TMPRSS13: variants seen among roughly 807,000 people sequenced by gnomAD.
The protein encoded by TMPRSS13 is transmembrane protease serine 13.
TMPRSS13 carries 50 observed loss-of-function variants against 68.4 expected under a neutral mutation model. The observed-to-expected ratio is 0.73, with a 90% CI of 0.58 to 0.93. The LOEUF (loss-of-function observed/expected upper bound fraction) is 0.93. Ranked by LOEUF, TMPRSS13 falls within the 40% of genes least tolerant of loss-of-function variation. The pLI, the probability that TMPRSS13 is intolerant of heterozygous loss-of-function variation, is 0.00. For missense variants in TMPRSS13, 615 were observed against 729.2 expected (o/e 0.84, Z 1.80); for synonymous variants, 267 against 285.8 (o/e 0.93, Z 0.66).
chr11:117,909,406 T>A (rs1451821335), intron 8 of TMPRSS13, among the ~76,000 whole-genome samples: 1 of 152,214 alleles, frequency 6.6e-6, no homozygotes, highest in African/African-American at 2.4e-5. Flanking sequence ...TAGCAGCTGA[T>A]ACAGTGCCCT....
At chr11:117,924,999 G>C (rs2057690658) in intron 1 of TMPRSS13, among the ~76,000 whole-genome samples, 1 of 152,202 alleles carries the variant, frequency 6.6e-6, no homozygotes, top group Non-Finnish European at 1.5e-5. Context: ...TCTGCTCCTA[G>C]GCCGCCGTGT....
intron 9 of TMPRSS13, 60 bp from the exon 10 acceptor site, chr11:117,905,796 G>T: frequency 7.2e-7 from 1 of 1,384,404 alleles, no homozygotes; most frequent in South Asian, 1.2e-5. Flanking sequence ...AGTAGGGGGA[G>T]GGAGAAGGAG....
intron 2 of TMPRSS13, among the ~76,000 whole-genome samples, chr11:117,917,828 T>C (rs1280645546): frequency 6.6e-6 from 1 of 152,138 alleles, no homozygotes; most frequent in South Asian, 2.1e-4. Flanking sequence ...AATTCTGGGA[T>C]GGGAGGAGGG....
intron 12 of TMPRSS13, chr11:117,903,446 T>G: frequency 6.5e-7 from 1 of 1,536,952 alleles, no homozygotes. Context: ...TTCAACCCGC[T>G]GAGCTCTGTT....
At position 117,909,780 on chromosome 11, in the gene TMPRSS13, A is replaced by G. The variant is rs757666443; in HGVS notation, c.1109+26T>C. Reference sequence around the variant, plus strand: ...GTGGTTCCCGACCCTGGGCAGTGTCAAATCACCTGCCTCTCAGGCACTTAC... The same window carrying G: ...GTGGTTCCCGACCCTGGGCAGTGTCGAATCACCTGCCTCTCAGGCACTTAC... On this transcript the variant is annotated intron_variant, in intron 8 of 12. Transcript: ENST00000524993. The G allele has an allele frequency of 3.1e-6, 5 of 1,597,714 alleles. No individual in the cohort carries two copies. The African/African-American group carries it at 6.7e-5, about 21-fold the overall frequency.
chr11:117,917,773 C>T (rs1431421039), intron 2 of TMPRSS13, among the ~76,000 whole-genome samples: 1 of 152,148 alleles, frequency 6.6e-6, no homozygotes, highest in Non-Finnish European at 1.5e-5. Flanking sequence ...TCCAAAGCCA[C>T]GTATCATCCA....
Position 117,904,025 on chromosome 11 carries a change from A to T in TMPRSS13, c.1458T>A (p.Tyr486Ter). 1 of 1,613,906 alleles carries T rather than the reference A, an allele frequency of 6.2e-7. No individual in the cohort carries two copies. The highest frequency in any genetic ancestry group is 8.5e-7 in the Non-Finnish European group (1 of 1,179,906). ...DFKKCNDYLVYDSYLTPRMMC... is the reference protein window; with the variant it reads ...DFKKCNDYLV ...TCATCCTTGGGGTAAGGTAACTGTC[A>T]TAGACCAAGTAGTCATTGCATTTCT... Residue 486 changes from tyrosine to a stop codon, truncating the protein, a stop_gained, in exon 11 of 13, where the codon TAT (tyrosine) becomes TAA (stop). Transcript: ENST00000524993. LOFTEE classifies it high-confidence loss of function.
chr11:117,909,946 G>C lies in TMPRSS13; in HGVS notation c.969C>G (p.Thr323=), dbSNP rs202000952. Residue 323 remains threonine (T), a synonymous_variant, in exon 8 of 13, where the codon ACC becomes ACG. Transcript: ENST00000524993. ...QCSHCGLRAM[T]GRIVGGALAS... ...CCAGCGCCCCTCCCACGATCCGCCC[G>C]GTCATGGCCCTCAGTCCGCAGTCTG... The C allele has an allele frequency of 6.2e-7, 1 of 1,614,164 alleles. No individual in the cohort carries two copies.
rs371636967 is a variant in TMPRSS13 at position 117,908,671 on chromosome 11, T to A, written c.1223A>T (p.Asp408Val). 335 of 1,591,798 alleles carry A rather than the reference T, an allele frequency of 2.1e-4. No homozygotes were observed. Among genetic ancestry groups the A allele is most frequent in the Non-Finnish European group, 2.7e-4 (318 of 1,170,380 alleles). ...GGCGATGTCATAGTCGTCCTCCTCA[T>A]CGGTGTAATTGCTGTTGATGATGAT... Reference protein sequence around the residue: ...AEIIINSNYTDEEDDYDIALM... With the variant: ...AEIIINSNYTVEEDDYDIALM... Residue 408 changes from aspartate (D) to valine (V), a missense_variant, in exon 9 of 13, where the codon GAT becomes GTT. Physicochemically the swap from Asp to Val is radical, Grantham distance 152. Transcript: ENST00000524993.
chr11:117,913,824 C>G lies in TMPRSS13; in HGVS notation c.762G>C (p.Trp254Cys), dbSNP rs747440756. Reference protein sequence around the residue: ...HQWLPICSSNWNDSYSEKTCQ... With the variant: ...HQWLPICSSNCNDSYSEKTCQ... ...AGGTCTTCTCTGAGTAGGAGTCATT[C>G]CAGTTGCTGCTACAGATGGGAAGCC... The change falls in exon 5 of 13, where the codon TGG becomes TGC. Residue 254 changes from tryptophan to cysteine, a missense_variant. By Grantham distance (215) the Trp-to-Cys change is radical. Transcript: ENST00000524993. 5.0e-6 allele frequency: 8 copies of G among 1,613,990 alleles called. No homozygotes were observed. Among genetic ancestry groups the G allele is most frequent in the African/African-American group, 1.3e-5 (1 of 74,916 alleles).
chr11:117,907,426 A>G (rs1230632153), intron 9 of TMPRSS13: 1 of 152,060 alleles, frequency 6.6e-6, no homozygotes, highest in Non-Finnish European at 1.5e-5. Flanking sequence ...TCCTCACCCC[A>G]CTCTGATGAT....
intron 9 of TMPRSS13, chr11:117,907,936 C>T (rs1354787334): frequency 6.1e-6 from 6 of 986,090 alleles, no homozygotes; most frequent in Non-Finnish European, 6.0e-6. Flanking sequence ...TCTTTGACGT[C>T]CCCTGTCCAC....
intron 9 of TMPRSS13, chr11:117,907,470 C>A (rs1381181800): frequency 6.6e-6 from 1 of 152,202 alleles, no homozygotes; most frequent in African/African-American, 2.4e-5. Flanking sequence ...ACACCGCCTC[C>A]ATAATTAATG....
chr11:117,906,685 A>G (rs1351401012), intron 9 of TMPRSS13, among the ~76,000 whole-genome samples: 1 of 152,214 alleles, frequency 6.6e-6, no homozygotes, highest in African/African-American at 2.4e-5. Flanking sequence ...TAGATGAAGG[A>G]ATAGCATGCA....
Position 117,914,073 on chromosome 11 carries a change from T to C in TMPRSS13, c.680-167A>G, listed in dbSNP as rs544385526. 2.0e-5 allele frequency among the ~76,000 whole-genome samples: 3 copies of C among 152,210 alleles called. No individual in the cohort carries two copies. The highest frequency in any genetic ancestry group is 2.9e-5 in the Non-Finnish European group (2 of 68,006). ...GGCCTGGGTCATGGGGGTTAACCAG[T>C]ACTCAGAAGCCCAGGATGCCTAGCA... On this transcript the variant is annotated intron_variant, in intron 4 of 12. Transcript: ENST00000524993. This position sits in a 1 kb window ranked among gnomAD's most constrained non-coding sequence, Gnocchi z 4.2.
Position 117,902,138 on chromosome 11 carries a change from G to T in TMPRSS13, c.*101C>A. On this transcript the variant is annotated 3_prime_UTR_variant, in exon 13 of 13. Transcript: ENST00000524993. ...AGACAGTGGAGGTGGGAGTCCGATG[G>T]TGCCCGGTGGCCATTAGCCCAGATG... The T allele has an allele frequency of 7.4e-7, 1 of 1,345,408 alleles. No individual in the cohort carries two copies. Among genetic ancestry groups the T allele is most frequent in the Non-Finnish European group, 1.0e-6 (1 of 953,738 alleles). The allele number at this position is 1,345,408 out of a possible 1,614,324, so 83.3% of individuals were successfully genotyped here. A position where few individuals can be genotyped will look rare whatever the true frequency, so the allele number is the denominator to read the frequency against.
chr11:117,910,151 T>C (rs1665887477), intron 7 of TMPRSS13, among the ~76,000 whole-genome samples, 183 bp from the exon 8 acceptor site: 1 of 152,192 alleles, frequency 6.6e-6, no homozygotes. Flanking sequence ...CAGCAGTTTC[T>C]GTGAGAGCAG....
Position 117,914,266 on chromosome 11 carries a change from C to T in TMPRSS13, c.679+126G>A. On this transcript the variant is annotated intron_variant, in intron 4 of 12. Coordinates refer to ENST00000524993, the MANE Select transcript of TMPRSS13 (RefSeq NM_001077263.3). This position sits in a 1 kb window ranked among gnomAD's most constrained non-coding sequence, Gnocchi z 4.2. ...ACATACATGCATACACACAAACATGCACATACACACACATGCACGCACACA... is the reference window on the plus strand; with the variant it reads ...ACATACATGCATACACACAAACATGTACATACACACACATGCACGCACACA... The T allele has an allele frequency of 7.7e-7, 1 of 1,297,608 alleles. No homozygotes were observed. The highest frequency in any genetic ancestry group is 1.1e-6 in the Non-Finnish European group (1 of 922,042). The allele number at this position is 1,297,608 out of a possible 1,614,324, so 80.4% of individuals were successfully genotyped here. A position where few individuals can be genotyped will look rare whatever the true frequency, so the allele number is the denominator to read the frequency against.
chr11:117,917,080 A>C (rs1012227783), intron 3 of TMPRSS13, 90 bp downstream of exon 3: 5 of 1,072,178 alleles, frequency 4.7e-6, no homozygotes, highest in African/African-American at 4.7e-5. Flanking sequence ...GGTGCTCCCC[A>C]CACCTGTCTC....
Sources: gnomAD v4.1 joint callset for allele counts (sites outside exome capture counted in the v4.1 genomes callset) on GRCh38, gnomAD v4.1.1 for gene constraint, Gnocchi (gnomAD v3.1) non-coding constraint, MANE v1.5 for transcripts, NCBI Gene and HGNC (gene_info 2026-07-23, HGNC 2026-07-21) for gene names.